PPP1R12A: variants seen among roughly 807,000 people sequenced by gnomAD.
The protein encoded by PPP1R12A is protein phosphatase 1 regulatory subunit 12A, also known as myosin binding subunit.
A neutral mutation model predicts 139.6 loss-of-function variants in PPP1R12A; 19 were observed. That is an observed-to-expected ratio of 0.14 (90% CI 0.09 to 0.20). The LOEUF is 0.20. Ranked by LOEUF, PPP1R12A falls within the 10% of genes least tolerant of loss-of-function variation. PPP1R12A has a pLI of 1.00. For missense variants in PPP1R12A, 925 were observed against 1,211.5 expected (o/e 0.76, Z 3.51); for synonymous variants, 427 against 420.6 (o/e 1.02, Z -0.19).
intron 1 of PPP1R12A, among the ~76,000 whole-genome samples, chr12:79,904,012 C>T (rs1272357825): frequency 2.6e-5 from 4 of 151,860 alleles, no homozygotes; most frequent in African/African-American, 7.3e-5. Context: ...GTCAGGAGTT[C>T]GAGACCAGCA....
chr12:79,798,221 G>A (rs1872703961), intron 15 of PPP1R12A, among the ~76,000 whole-genome samples: 1 of 151,980 alleles, frequency 6.6e-6, no homozygotes, highest in Non-Finnish European at 1.5e-5. Flanking sequence ...AGACACAAAG[G>A]CATATGCTAA....
chr12:79,858,431 A>G (rs1214355373), intron 2 of PPP1R12A, among the ~76,000 whole-genome samples: 5 of 152,236 alleles, frequency 3.3e-5, no homozygotes, highest in African/African-American at 1.2e-4. Context: ...ATCTCATTTA[A>G]TCTTCACAAT....
At chr12:79,806,401 T>C in intron 12 of PPP1R12A, 68 bp from the exon 13 acceptor site, 2 of 1,368,452 alleles carry the variant, frequency 1.5e-6, no homozygotes, top group Non-Finnish European at 2.0e-6. Flanking sequence ...TGTCTATACA[T>C]TATATAAATT....
intron 5 of PPP1R12A, among the ~76,000 whole-genome samples, chr12:79,823,030 T>G (rs1876318167): frequency 6.6e-6 from 1 of 152,178 alleles, no homozygotes. Context: ...ATGTTTAAGC[T>G]GTTTAACATT....
chr12:79,886,680 T>TA (rs949436942), intron 1 of PPP1R12A, among the ~76,000 whole-genome samples: 4 of 151,890 alleles, frequency 2.6e-5, no homozygotes, highest in African/African-American at 9.7e-5. Flanking sequence ...ATACAGGATA[T>TA]AAAAAAATCT....
chr12:79,850,852 G>A (rs1028885233), intron 2 of PPP1R12A, among the ~76,000 whole-genome samples: 2 of 151,908 alleles, frequency 1.3e-5, no homozygotes, highest in South Asian at 2.1e-4. Context: ...TCTTCTTGCT[G>A]GCCATACAAA....
chr12:79,805,221 G>A (rs1262541016), intron 14 of PPP1R12A, among the ~76,000 whole-genome samples: 4 of 152,164 alleles, frequency 2.6e-5, no homozygotes, highest in Non-Finnish European at 4.4e-5. Context: ...AGGAAACAAT[G>A]AGAAGAATGA....
intron 9 of PPP1R12A, among the ~76,000 whole-genome samples, chr12:79,812,048 T>G (rs1390409823): frequency 1.3e-5 from 2 of 152,190 alleles, no homozygotes; most frequent in Non-Finnish European, 2.9e-5. Flanking sequence ...GTTATCCTGT[T>G]TCAACCTTAT....
At chr12:79,847,835 T>G (rs554789019) in intron 2 of PPP1R12A, among the ~76,000 whole-genome samples, 1 of 152,100 alleles carries the variant, frequency 6.6e-6, no homozygotes, top group Non-Finnish European at 1.5e-5. Flanking sequence ...GTGCTGTAGG[T>G]GAGAAGGAAC....
chr12:79,894,530 T>G (rs1466495599), intron 1 of PPP1R12A, among the ~76,000 whole-genome samples: 1 of 152,114 alleles, frequency 6.6e-6, no homozygotes, highest in Non-Finnish European at 1.5e-5. Flanking sequence ...CATCCGAGGA[T>G]TCATATTTTT....
chr12:79,830,069 GT>G (rs1020808913), intron 4 of PPP1R12A, among the ~76,000 whole-genome samples: 1 of 151,140 alleles, frequency 6.6e-6, no homozygotes, highest in South Asian at 2.1e-4. Flanking sequence ...TTTCATATAT[GT>G]TTTAACTTTC....
At chr12:79,782,236 A>G (rs1870544509) in intron 22 of PPP1R12A, 2 of 171,848 alleles carry the variant, frequency 1.2e-5, no homozygotes, top group Admixed American at 1.2e-4. Context: ...GAATGGTCAG[A>G]TTCCAGGACC....
At chr12:79,805,947 A>T (rs751980168) in intron 13 of PPP1R12A, 179 bp from the exon 14 acceptor site, 9 of 923,004 alleles carry the variant, frequency 9.8e-6, no homozygotes, top group African/African-American at 1.7e-5. Context: ...AGAGAAATTT[A>T]CATTTTAAGC....
chr12:79,872,739 A>G lies in PPP1R12A; in HGVS notation c.368+69T>C, dbSNP rs1882704706. On this transcript the variant is annotated intron_variant, in intron 2 of 24. Coordinates refer to ENST00000450142, the MANE Select transcript of PPP1R12A (RefSeq NM_002480.3). The stretch of plus-strand genomic sequence containing the variant: ...TATAAGAGTTCACTCATTTATCTTT[A>G]TCACTTCAATAAACATTCAGGTCTG... 2.0e-6 allele frequency: 3 copies of G among 1,494,868 alleles called. No homozygotes were observed. The African/African-American group carries it at 4.2e-5, about 21-fold the overall frequency. The allele number at this position is 1,494,868 out of a possible 1,614,324, so 92.6% of individuals were successfully genotyped here. A position where few individuals can be genotyped will look rare whatever the true frequency, so the allele number is the denominator to read the frequency against.
chr12:79,805,934 A>G, intron 13 of PPP1R12A, 166 bp from the exon 14 acceptor site: 2 of 942,652 alleles, frequency 2.1e-6, no homozygotes, highest in Non-Finnish European at 3.1e-6. Flanking sequence ...AGAGTTGTCA[A>G]AGAGAGAAAT....
Position 79,841,051 on chromosome 12 carries a change from TAAAA to T in PPP1R12A, c.487+4247_487+4250del, listed in dbSNP as rs777684899. On this transcript the variant is annotated intron_variant, in intron 3 of 24. Transcript: ENST00000450142. ...TGTATGTCTCCAATTCCTTTTTATT[TAAAA>T]AAAAAAAAAAAAAAGAGAGAGAGAG... Among the ~76,000 whole-genome samples, 4 of 131,440 alleles carry T rather than the reference TAAAA, an allele frequency of 3.0e-5. No homozygotes were observed. In the East Asian group the frequency reaches 6.4e-4, roughly 21 times the overall value. The allele number at this position is 131,440 out of a possible 152,430, so 86.2% of individuals were successfully genotyped here.
intron 5 of PPP1R12A, among the ~76,000 whole-genome samples, chr12:79,823,227 G>C (rs1400195092): frequency 1.3e-5 from 2 of 151,772 alleles, no homozygotes; most frequent in Admixed American, 6.6e-5. Flanking sequence ...ATGCTTACAA[G>C]TTCATTATTT....
At chr12:79,871,564 G>C (rs922804892) in intron 2 of PPP1R12A, among the ~76,000 whole-genome samples, 5 of 152,106 alleles carry the variant, frequency 3.3e-5, no homozygotes, top group Non-Finnish European at 5.9e-5. Flanking sequence ...GAAAACCAAA[G>C]CCTAGAAAAG....
Position 79,883,090 on chromosome 12 carries a change from T to C in PPP1R12A, c.238-10152A>G, listed in dbSNP as rs113051920. 9.8e-3 allele frequency among the ~76,000 whole-genome samples: 1,493 copies of C among 152,176 alleles called. 32 individuals are homozygous for C. The highest frequency in any genetic ancestry group is 0.035 in the African/African-American group (1,437 of 41,518). On this transcript the variant is annotated intron_variant, in intron 1 of 24. Transcript: ENST00000450142. ...AGGTGGAGTTTACAGTGAGCCAAGA[T>C]TGTGCCACTGCACTCCAGCCTCGGC...
Sources: gnomAD v4.1 joint callset for allele counts (sites outside exome capture counted in the v4.1 genomes callset) on GRCh38, gnomAD v4.1.1 for gene constraint, MANE v1.5 for transcripts, NCBI Gene and HGNC (gene_info 2026-07-23, HGNC 2026-07-21) for gene names.